CLIC4: variants seen among roughly 807,000 people sequenced by gnomAD.
CLIC4 encodes the protein chloride intracellular channel protein 4.
In CLIC4, 13 loss-of-function variants were observed where a neutral mutation model predicts 24.6. The ratio of observed to expected loss-of-function variants is 0.53; its 90% CI spans 0.34 to 0.84. The LOEUF (loss-of-function observed/expected upper bound fraction) is 0.84, where lower values mean the gene tolerates loss of function less well. Among genes scored for constraint, CLIC4 ranks in the 40% least tolerant of loss-of-function variants. The pLI is 0.01. For missense variants in CLIC4, 227 were observed against 301.7 expected (o/e 0.75, Z 1.83); for synonymous variants, 104 against 111.3 (o/e 0.93, Z 0.41).
rs758982770 is a variant in CLIC4, at chr1:24,839,954, C to T, written c.510C>T (p.Asp170=). The T allele has an allele frequency of 6.6e-5, 107 of 1,613,680 alleles. No homozygotes were observed. Among genetic ancestry groups the T allele is most frequent in the Non-Finnish European group, 8.9e-5 (105 of 1,179,946 alleles). The change falls in exon 5 of 6, where the codon GAC becomes GAT. Residue 170 remains aspartate, a synonymous_variant. Coordinates refer to ENST00000374379, the MANE Select transcript of CLIC4 (RefSeq NM_013943.3). ...AAATTGATGAAAATAGTATGGAGGA[C>T]ATAAAGTTTTCTACACGTAAATTTC... ...PDEIDENSME[D]IKFSTRKFLD...
intron 2 of CLIC4, among the ~76,000 whole-genome samples, chr1:24,802,564 C>T (rs1639502784): frequency 6.6e-6 from 1 of 152,012 alleles, no homozygotes; most frequent in Non-Finnish European, 1.5e-5. Context: ...ATAAAAAATG[C>T]TTCTTAGGGC....
chr1:24,767,024 T>TAAAAAAAAAAAAAAAAAAAAAAAAGAAAA (rs1639008651), intron 1 of CLIC4, among the ~76,000 whole-genome samples: 1 of 71,122 alleles, frequency 1.4e-5, no homozygotes, highest in Non-Finnish European at 2.5e-5. Flanking sequence ...GCTGATGAGC[T>TAAAAAAAAAAAAAAAAAAAAAAAAGAAAA]AAAAAAAAAA....
chr1:24,802,740 G>C (rs1030447177), intron 2 of CLIC4, among the ~76,000 whole-genome samples: 14 of 138,814 alleles, frequency 1.0e-4, no homozygotes, highest in African/African-American at 3.8e-4. Context: ...GACACGGTCT[G>C]CCTCTGTCAC....
chr1:24,801,754 T>A (rs1639492295), intron 2 of CLIC4, among the ~76,000 whole-genome samples: 1 of 152,224 alleles, frequency 6.6e-6, no homozygotes, highest in Non-Finnish European at 1.5e-5. Context: ...TTTTACTTAC[T>A]GCTAGTGCAT....
chr1:24,814,932 C>T (rs1639653406), intron 3 of CLIC4, among the ~76,000 whole-genome samples: 2 of 152,114 alleles, frequency 1.3e-5, no homozygotes, highest in Non-Finnish European at 2.9e-5. Context: ...TGTTGCCCTC[C>T]ATGTCCAGAT....
chr1:24,746,241 ATT>A (rs1418122327), intron 1 of CLIC4, among the ~76,000 whole-genome samples: 2 of 152,176 alleles, frequency 1.3e-5, no homozygotes, highest in African/African-American at 4.8e-5. Flanking sequence ...TGTCTTGGGC[ATT>A]TACTGGCTTT....
At position 24,786,907 on chromosome 1, in the gene CLIC4, C is replaced by T. The variant is rs145553930; in HGVS notation, c.73-10835C>T. The stretch of plus-strand genomic sequence containing the variant: ...TGCTGGGATTACAGGTGTGAGCCAC[C>T]GTGCCAGGCCAATTTTTATTTTTAT... On this transcript the variant is annotated intron_variant, in intron 1 of 5. Coordinates refer to ENST00000374379, the MANE Select transcript of CLIC4 (RefSeq NM_013943.3). 2.0e-3 allele frequency among the ~76,000 whole-genome samples: 296 copies of T among 151,710 alleles called. 3 individuals are homozygous for T. In the East Asian group the frequency reaches 0.034, roughly 18 times the overall value.
At chr1:24,803,858 A>G (rs1483422691) in intron 2 of CLIC4, among the ~76,000 whole-genome samples, 4 of 152,202 alleles carry the variant, frequency 2.6e-5, no homozygotes, top group African/African-American at 9.7e-5. Flanking sequence ...GAGCTGCCTC[A>G]TCTTCCTTGG....
intron 1 of CLIC4, among the ~76,000 whole-genome samples, chr1:24,785,312 C>T (rs1177790594): frequency 6.6e-6 from 1 of 152,080 alleles, no homozygotes; most frequent in Non-Finnish European, 1.5e-5. Context: ...TTACCATGTG[C>T]CAGGAACTGT....
chr1:24,810,316 T>G lies in CLIC4; in HGVS notation c.183-3778T>G, dbSNP rs541474473. 3.9e-5 allele frequency among the ~76,000 whole-genome samples: 6 copies of G among 152,348 alleles called. No individual in the cohort carries two copies. The South Asian group carries it at 1.2e-3, about 32-fold the overall frequency. On this transcript the variant is annotated intron_variant, in intron 2 of 5. Transcript: ENST00000374379. ...GTTATATCTCTTAAGTTTTTCTTAA[T>G]CTATAACAGTCCCCCACCTGTGTCT...
chr1:24,800,423 C>T lies in CLIC4; in HGVS notation c.182+2572C>T, dbSNP rs1184383343. On this transcript the variant is annotated intron_variant, in intron 2 of 5. Coordinates refer to ENST00000374379, the MANE Select transcript of CLIC4 (RefSeq NM_013943.3). The stretch of plus-strand genomic sequence containing the variant: ...GGTCAGCCCCCAGCCTGGCCAGCTG[C>T]CCCGTCTGGGAGGGAGGTGGAGGGG... 3.3e-5 allele frequency among the ~76,000 whole-genome samples: 5 copies of T among 150,208 alleles called. No individual in the cohort carries two copies. In the East Asian group the frequency reaches 8.1e-4, roughly 24 times the overall value.
chr1:24,825,223 G>A (rs1026529705), intron 3 of CLIC4, among the ~76,000 whole-genome samples: 3 of 152,102 alleles, frequency 2.0e-5, no homozygotes, highest in East Asian at 1.9e-4. Flanking sequence ...TAGTGGTTGC[G>A]GAAAAGGAGA....
At chr1:24,746,028 TCCGCCGCCCGGAGCCCGAACTGCGGC>T (rs1195625348) in intron 1 of CLIC4, among the ~76,000 whole-genome samples, 1 of 151,320 alleles carries the variant, frequency 6.6e-6, no homozygotes, top group Non-Finnish European at 1.5e-5. Context: ...AGCGCTCCGG[TCCGCCGCCCGGAGCCCGAACTGCGGC>T]CCGCCGCCCG....
chr1:24,775,794 A>T (rs942607613), intron 1 of CLIC4, among the ~76,000 whole-genome samples: 1 of 148,588 alleles, frequency 6.7e-6, no homozygotes, highest in African/African-American at 2.5e-5. Flanking sequence ...AAACTGTAGA[A>T]TCTGGGTCAT....
intron 3 of CLIC4, among the ~76,000 whole-genome samples, chr1:24,814,536 G>A (rs542394111): frequency 3.0e-4 from 46 of 152,306 alleles, no homozygotes; most frequent in Middle Eastern, 3.4e-3. Context: ...AGAGGAGAAG[G>A]GGTGGGGAAA....
At chr1:24,825,004 A>T (rs923170255) in intron 3 of CLIC4, among the ~76,000 whole-genome samples, 59 of 145,544 alleles carry the variant, frequency 4.1e-4, no homozygotes, top group African/African-American at 1.5e-3. Context: ...TGTCACACAC[A>T]CACACACACA....
intron 1 of CLIC4, among the ~76,000 whole-genome samples, chr1:24,764,658 G>GA (rs112004538): frequency 0.027 from 3,792 of 142,832 alleles, 119 homozygotes; most frequent in African/African-American, 0.085. Context: ...TATCTCAAGG[G>GA]AAAAAAAAAA....
intron 1 of CLIC4, among the ~76,000 whole-genome samples, chr1:24,795,559 A>C (rs189051350): frequency 2.0e-5 from 3 of 152,088 alleles, no homozygotes; most frequent in East Asian, 3.9e-4. Flanking sequence ...TAAAAAAAAA[A>C]CAGGATATAG....
chr1:24,775,786 A>G (rs1373567300), intron 1 of CLIC4, among the ~76,000 whole-genome samples: 1 of 148,660 alleles, frequency 6.7e-6, no homozygotes, highest in Non-Finnish European at 1.5e-5. Flanking sequence ...TTGACTGCAA[A>G]CTGTAGAATC....
Sources: allele counts gnomAD v4.1 joint callset (sites outside exome capture counted in the v4.1 genomes callset), GRCh38; gene constraint gnomAD v4.1.1; transcripts MANE v1.5; gene names NCBI Gene and HGNC (gene_info 2026-07-23, HGNC 2026-07-21).